ARID1B: variants seen among roughly 807,000 people sequenced by gnomAD.
ARID1B encodes AT-rich interaction domain 1B, also known as AT-rich interactive domain-containing protein 1B.
Under a neutral mutation model 212.3 loss-of-function variants are expected in ARID1B, and 30 were observed. That is an observed-to-expected ratio of 0.14 (90% CI 0.11 to 0.19). ARID1B has a LOEUF of 0.19. ARID1B is among the 10% of genes least tolerant of loss of function. ARID1B has a pLI of 1.00. For missense variants in ARID1B, 2,891 were observed against 3,204.0 expected (o/e 0.90, Z 2.36); for synonymous variants, 1,402 against 1,301.7 (o/e 1.08, Z -1.66).
intron 2 of ARID1B, among the ~76,000 whole-genome samples, chr6:156,835,638 C>G (rs1783458682): frequency 6.6e-6 from 1 of 152,160 alleles, no homozygotes; most frequent in South Asian, 2.1e-4. Context: ...ACTGTTTTGT[C>G]ATGTACACAT....
In ARID1B at chr6:157,200,917, C is replaced by A. The variant is rs917868982; in HGVS notation, c.4692C>A (p.His1564Gln). The A allele has an allele frequency of 5.0e-6, 8 of 1,613,490 alleles. No homozygotes were observed. The Admixed American group carries it at 1.2e-4, about 24-fold the overall frequency. ...RMQGPGQIQT[H>Q]GIPPQMMGGP... ...AGGGCCCGGGGCAGATCCAGACACACGGAATCCCGCCTCAGATGATGGGCG... is the reference window on the plus strand; with the variant it reads ...AGGGCCCGGGGCAGATCCAGACACAAGGAATCCCGCCTCAGATGATGGGCG... Residue 1564 changes from histidine to glutamine, a missense_variant, in exon 18 of 20, where the codon CAC (histidine) becomes CAA (glutamine). Transcript: ENST00000636930. The surrounding 1 kb of genome is among the most constrained non-coding windows in gnomAD (Gnocchi z 4.3).
intron 4 of ARID1B, among the ~76,000 whole-genome samples, chr6:156,996,485 C>G (rs1458421662): frequency 2.0e-5 from 3 of 152,170 alleles, no homozygotes; most frequent in African/African-American, 7.2e-5. Context: ...AGTCATGGCT[C>G]TGTCTCTGGG....
At chr6:157,110,299 C>G (rs376623680) in intron 5 of ARID1B, among the ~76,000 whole-genome samples, 173 bp from the exon 6 acceptor site, 15 of 152,124 alleles carry the variant, frequency 9.9e-5, no homozygotes, top group African/African-American at 3.1e-4. Flanking sequence ...CATGTTTCCT[C>G]TTTGTTTCCC....
intron 1 of ARID1B, among the ~76,000 whole-genome samples, chr6:156,802,415 T>G (rs993104540): frequency 3.3e-5 from 5 of 152,208 alleles, no homozygotes; most frequent in Non-Finnish European, 7.4e-5. Flanking sequence ...TTACCCTTCT[T>G]TTTAGGATTT....
chr6:156,846,151 T>TGTTTGTTTG (rs1784214646), intron 2 of ARID1B, among the ~76,000 whole-genome samples: 1 of 149,830 alleles, frequency 6.7e-6, no homozygotes, highest in East Asian at 2.0e-4. Flanking sequence ...AGGCTATTTT[T>TGTTTGTTTG]TTTGTTTGTT....
chr6:156,786,945 G>GT (rs1779677110), intron 1 of ARID1B, among the ~76,000 whole-genome samples: 2 of 136,786 alleles, frequency 1.5e-5, no homozygotes, highest in African/African-American at 5.4e-5. Context: ...TATTTGGCCT[G>GT]CTTTTTTTTT....
At chr6:157,016,799 G>T (rs552978709) in intron 4 of ARID1B, among the ~76,000 whole-genome samples, 1 of 152,158 alleles carries the variant, frequency 6.6e-6, no homozygotes, top group East Asian at 1.9e-4. Context: ...TATAGCTCAC[G>T]TTTGTTTCGA....
At chr6:157,187,613 A>G (rs1174276997) in intron 13 of ARID1B, among the ~76,000 whole-genome samples, 3 of 151,988 alleles carry the variant, frequency 2.0e-5, no homozygotes, top group Non-Finnish European at 4.4e-5. Context: ...AATGTACTTA[A>G]CCTTCAGTAA....
intron 1 of ARID1B, among the ~76,000 whole-genome samples, chr6:156,816,030 T>C (rs1781940823): frequency 6.6e-6 from 1 of 152,258 alleles, no homozygotes; most frequent in Non-Finnish European, 1.5e-5. Flanking sequence ...TGAAGAATGG[T>C]GTGCGCTTTA....
At chr6:157,059,067 G>GTTT (rs532432548) in intron 4 of ARID1B, among the ~76,000 whole-genome samples, 4 of 140,632 alleles carry the variant, frequency 2.8e-5, no homozygotes, top group African/African-American at 1.0e-4. Context: ...TTGTGTTTTT[G>GTTT]TTTTTTTTTT....
intron 4 of ARID1B, among the ~76,000 whole-genome samples, chr6:157,079,747 A>G (rs982723529): frequency 2.0e-5 from 3 of 152,164 alleles, no homozygotes; most frequent in African/African-American, 7.2e-5. Flanking sequence ...GAGCTTATAA[A>G]TTTAGTGATA....
chr6:156,846,281 A>G (rs1264948324), intron 2 of ARID1B, among the ~76,000 whole-genome samples: 1 of 151,766 alleles, frequency 6.6e-6, no homozygotes, highest in Non-Finnish European at 1.5e-5. Context: ...CAGCCTCCTG[A>G]GTAGCTGGGA....
intron 4 of ARID1B, chr6:156,936,829 TTTA>T (rs1290204063): frequency 6.7e-6 from 1 of 149,426 alleles, no homozygotes; most frequent in African/African-American, 2.5e-5. Flanking sequence ...TTAACTTAGA[TTTA>T]TTACTTCTAA....
intron 8 of ARID1B, 195 bp downstream of exon 8, chr6:157,149,146 G>C (rs1477253380): frequency 1.6e-6 from 1 of 612,540 alleles, no homozygotes; most frequent in African/African-American, 1.8e-5. Flanking sequence ...CATGTTTTAT[G>C]ATACATGAGG....
chr6:157,053,653 G>A (rs901187889), intron 4 of ARID1B, among the ~76,000 whole-genome samples: 1 of 152,196 alleles, frequency 6.6e-6, no homozygotes, highest in Admixed American at 6.5e-5. Flanking sequence ...CTTAGTTTGA[G>A]TGGGGTTTGC....
intron 3 of ARID1B, among the ~76,000 whole-genome samples, chr6:156,916,653 G>A (rs1451196730): frequency 6.6e-6 from 1 of 152,004 alleles, no homozygotes; most frequent in Non-Finnish European, 1.5e-5. Context: ...CCGTTGTCAG[G>A]TCTCGATGCA....
At chr6:157,013,983 A>T (rs902827933) in intron 4 of ARID1B, among the ~76,000 whole-genome samples, 1 of 152,184 alleles carries the variant, frequency 6.6e-6, no homozygotes, top group Non-Finnish European at 1.5e-5. Context: ...TGATGACATT[A>T]TTGAATATTT....
At position 156,788,833 on chromosome 6, in the gene ARID1B, C is replaced by T. The variant is rs532717018; in HGVS notation, c.1791+9362C>T. Among the ~76,000 whole-genome samples the T allele has an allele frequency of 2.7e-4, 41 of 152,216 alleles. 3 individuals are homozygous for T. In the South Asian group the frequency reaches 7.9e-3, roughly 29 times the overall value. The stretch of plus-strand genomic sequence containing the variant: ...TAAATGCTGAGATTTATAAAACTAT[C>T]AGGGACAAAATGTAATTCTATTATG... On this transcript the variant is annotated intron_variant, in intron 1 of 19. Transcript: ENST00000636930.
rs1297002672 is a variant in ARID1B, at chr6:157,200,709, A to G, written c.4484A>G (p.Tyr1495Cys). ...TTGTCTTTCTGTGAATTCCAGAATTACAAACGCCATATGGACGGCATGTAC... is the reference window on the plus strand; with the variant it reads ...TTGTCTTTCTGTGAATTCCAGAATTGCAAACGCCATATGGACGGCATGTAC... ...QPGLYPQQPN[Y>C]KRHMDGMYGP... The change falls in exon 18 of 20, where the codon TAC (tyrosine) becomes TGC (cysteine). Residue 1495 changes from tyrosine to cysteine, a missense_variant. This residue lies in a region of ARID1B where 666 missense variants were observed against 873.5 expected (regional missense o/e 0.76). Coordinates refer to ENST00000636930, the MANE Select transcript of ARID1B (RefSeq NM_001374828.1). This position sits in a 1 kb window ranked among gnomAD's most constrained non-coding sequence, Gnocchi z 4.3. 6.3e-7 allele frequency: 1 copy of G among 1,594,966 alleles called. No individual in the cohort carries two copies. Among genetic ancestry groups the G allele is most frequent in the Non-Finnish European group, 8.5e-7 (1 of 1,170,612 alleles).
Sources: allele counts gnomAD v4.1 joint callset (sites outside exome capture counted in the v4.1 genomes callset), GRCh38; gene constraint gnomAD v4.1.1; regional missense constraint gnomAD v4.1.1; non-coding constraint Gnocchi (gnomAD v3.1); transcripts MANE v1.5; gene names NCBI Gene and HGNC (gene_info 2026-07-23, HGNC 2026-07-21).